The following ELP3 variants were observed in gnomAD, a reference collection of about 807,000 sequenced individuals.
The protein encoded by ELP3 is elongator acetyltransferase complex subunit 3, also known as elongator complex protein 3.
Under a neutral mutation model 74.9 loss-of-function variants are expected in ELP3, and 56 were observed. That is an observed-to-expected ratio of 0.75 (90% confidence interval 0.60 to 0.93). The LOEUF (loss-of-function observed/expected upper bound fraction) is 0.93. Ranked by LOEUF, ELP3 falls within the 40% of genes least tolerant of loss-of-function variation. ELP3 has a pLI of 0.00. For missense variants in ELP3, 573 were observed against 686.5 expected, an observed-to-expected ratio of 0.83 and a Z score of 1.85; for synonymous variants, 222 against 239.8, an observed-to-expected ratio of 0.93 and a Z score of 0.68.
At chr8:28,093,038 A>C, upstream of ELP3, 59 of 959,092 alleles carry the variant, frequency 6.2e-5, no homozygotes, top group Middle Eastern at 2.1e-4. Flanking sequence ...CTACCCTGTT[A>C]GTTGCAACAC....
rs1259122221 is a variant in ELP3, at chr8:28,147,695, C to G, written c.1101-8247C>G. Among the ~76,000 whole-genome samples the G allele has an allele frequency of 6.6e-6, 1 of 151,992 alleles. No individual in the cohort carries two copies. The highest frequency in any genetic ancestry group is 2.4e-5 in the African/African-American group (1 of 41,376). On this transcript the variant is annotated intron_variant, in intron 10 of 14. Coordinates refer to ENST00000256398, the MANE Select transcript of ELP3 (RefSeq NM_018091.6). This position sits in a 1 kb window ranked among gnomAD's most constrained non-coding sequence, Gnocchi z 4.5. ...TCTTAGTAGTATGTACTGAGAGGTT[C>G]TAGAGGCAATGACACCCAGCAGTAA...
intron 10 of ELP3, among the ~76,000 whole-genome samples, chr8:28,148,441 G>A (rs1306884805): frequency 6.6e-6 from 1 of 152,092 alleles, no homozygotes; most frequent in Non-Finnish European, 1.5e-5. Context: ...TATTCACTGA[G>A]ACAGGGCATC....
intron 7 of ELP3, 106 bp from the exon 8 acceptor site, chr8:28,129,396 C>G: frequency 8.3e-7 from 1 of 1,211,220 alleles, no homozygotes; most frequent in South Asian, 1.4e-5. Flanking sequence ...AGCCTACACT[C>G]TTTACCACTA....
At chr8:28,102,136 A>C (rs961104649) in intron 3 of ELP3, among the ~76,000 whole-genome samples, 8 of 152,082 alleles carry the variant, frequency 5.3e-5, no homozygotes, top group African/African-American at 1.9e-4. Flanking sequence ...AACCTCATCC[A>C]TTTGATGATT....
chr8:28,187,280 C>G (rs1288044790), intron 14 of ELP3, among the ~76,000 whole-genome samples: 2 of 152,240 alleles, frequency 1.3e-5, no homozygotes, highest in Admixed American at 1.3e-4. Flanking sequence ...CGCTTCCTAC[C>G]TGATCTCCCT....
intron 6 of ELP3, chr8:28,110,998 G>C (rs1811895803): frequency 6.5e-6 from 1 of 153,500 alleles, no homozygotes; most frequent in African/African-American, 2.4e-5. Context: ...AGGATCCCTT[G>C]AGCCTGGAAG....
In ELP3 at chr8:28,147,934, A is replaced by G. The variant is rs923266538; in HGVS notation, c.1101-8008A>G. Among the ~76,000 whole-genome samples the G allele has an allele frequency of 3.9e-4, 59 of 152,180 alleles. No individual in the cohort carries two copies. Among genetic ancestry groups the G allele is most frequent in the African/African-American group, 1.4e-3 (57 of 41,440 alleles). ...CAGCCTGAATGCATACCCACTGGCA[A>G]AAATCTAATGTCAGCAACAAAATAA... On this transcript the variant is annotated intron_variant, in intron 10 of 14. Coordinates refer to ENST00000256398, the MANE Select transcript of ELP3 (RefSeq NM_018091.6). This position sits in a 1 kb window ranked among gnomAD's most constrained non-coding sequence, Gnocchi z 4.5.
intron 7 of ELP3, among the ~76,000 whole-genome samples, chr8:28,118,243 G>T (rs942010833): frequency 6.6e-6 from 1 of 152,140 alleles, no homozygotes; most frequent in Non-Finnish European, 1.5e-5. Context: ...GTCTGTTCAC[G>T]TTAGGGTCAA....
intron 6 of ELP3, 111 bp downstream of exon 6, chr8:28,110,549 C>CATT: frequency 3.0e-6 from 3 of 991,780 alleles, no homozygotes; most frequent in Non-Finnish European, 4.5e-6. Flanking sequence ...AGGTGTTTTT[C>CATT]CTCTTTGTAA....
At chr8:28,140,091 A>G (rs974879607) in intron 10 of ELP3, among the ~76,000 whole-genome samples, 3 of 151,260 alleles carry the variant, frequency 2.0e-5, no homozygotes, top group Non-Finnish European at 4.4e-5. Flanking sequence ...CCCTTTGGAT[A>G]CCGAGGGACA....
chr8:28,126,232 G>A (rs1812572822), intron 7 of ELP3, among the ~76,000 whole-genome samples: 1 of 152,148 alleles, frequency 6.6e-6, no homozygotes, highest in South Asian at 2.1e-4. Context: ...CATTAGGGGA[G>A]AAATGTATTG....
intron 14 of ELP3, among the ~76,000 whole-genome samples, chr8:28,180,035 T>G (rs1221571736): frequency 6.6e-6 from 1 of 152,190 alleles, no homozygotes; most frequent in Non-Finnish European, 1.5e-5. Flanking sequence ...CTTCTGTGGT[T>G]TTTTAGAAAA....
intron 14 of ELP3, among the ~76,000 whole-genome samples, chr8:28,185,089 T>C (rs1435702788): frequency 6.6e-6 from 1 of 152,200 alleles, no homozygotes; most frequent in Non-Finnish European, 1.5e-5. Context: ...TTCTCCAAGA[T>C]ACATTGTTTT....
chr8:28,115,919 A>G (rs1812113183), intron 7 of ELP3, among the ~76,000 whole-genome samples: 1 of 152,160 alleles, frequency 6.6e-6, no homozygotes, highest in Non-Finnish European at 1.5e-5. Context: ...AGGGTTTCAT[A>G]TAGCTAATTA....
upstream of ELP3, chr8:28,090,478 G>GTGTGTGT: frequency 8.8e-6 from 2 of 227,204 alleles, no homozygotes; most frequent in East Asian, 1.5e-4. Flanking sequence ...TAGTCTGATG[G>GTGTGTGT]GTGGGTGTGT....
At chr8:28,188,813 C>T (rs1406450134) in intron 14 of ELP3, among the ~76,000 whole-genome samples, 1 of 152,154 alleles carries the variant, frequency 6.6e-6, no homozygotes, top group Admixed American at 6.5e-5. Flanking sequence ...AGGAACCCTC[C>T]ATTTGTAGCC....
chr8:28,148,152 C>G (rs984949165), intron 10 of ELP3, among the ~76,000 whole-genome samples: 2 of 152,074 alleles, frequency 1.3e-5, no homozygotes, highest in African/African-American at 2.4e-5. Flanking sequence ...AATGCTACTA[C>G]TAATAGCATT....
intron 7 of ELP3, among the ~76,000 whole-genome samples, 198 bp downstream of exon 7, chr8:28,113,371 C>G (rs1009666911): frequency 1.4e-5 from 1 of 73,296 alleles, no homozygotes; most frequent in African/African-American, 7.8e-5. Flanking sequence ...AATCCTTTCA[C>G]TGAAATAATC....
At chr8:28,093,735 C>T (rs1811140072) in intron 1 of ELP3, 1 of 161,170 alleles carries the variant, frequency 6.2e-6, no homozygotes, top group African/African-American at 2.4e-5. Context: ...TTCAACAGGA[C>T]GGATTCAAAT....
Sources: allele counts gnomAD v4.1 joint callset (sites outside exome capture counted in the v4.1 genomes callset), GRCh38; gene constraint gnomAD v4.1.1; non-coding constraint Gnocchi (gnomAD v3.1); transcripts MANE v1.5; gene names NCBI Gene and HGNC (gene_info 2026-07-23, HGNC 2026-07-21).